MARCHF11: variants seen among roughly 807,000 people sequenced by gnomAD.
The protein encoded by MARCHF11 is E3 ubiquitin-protein ligase MARCHF11.
MARCHF11 carries 29 observed loss-of-function variants against 37.3 expected under a neutral mutation model. That is an observed-to-expected ratio of 0.78 (90% CI 0.58 to 1.06). The LOEUF (loss-of-function observed/expected upper bound fraction) is 1.06. Ranked by LOEUF, MARCHF11 falls within the 50% of genes least tolerant of loss-of-function variation. The pLI is 0.00. For missense variants in MARCHF11, 482 were observed against 533.4 expected (o/e 0.90, Z 0.95); for synonymous variants, 233 against 228.0 (o/e 1.02, Z -0.20).
intron 2 of MARCHF11, among the ~76,000 whole-genome samples, chr5:16,113,382 C>T (rs1005614352): frequency 5.9e-5 from 9 of 152,050 alleles, no homozygotes; most frequent in Non-Finnish European, 1.0e-4. Context: ...AGTGATCACA[C>T]GAAAAGTATG....
intron 2 of MARCHF11, among the ~76,000 whole-genome samples, chr5:16,107,420 G>A (rs540202310): frequency 1.6e-4 from 25 of 151,964 alleles, no homozygotes; most frequent in South Asian, 1.2e-3. Context: ...TTCAAAAAAC[G>A]TCTTTGACAA....
chr5:16,150,918 C>T (rs1199776933), intron 2 of MARCHF11, among the ~76,000 whole-genome samples: 4 of 152,056 alleles, frequency 2.6e-5, no homozygotes, highest in Non-Finnish European at 5.9e-5. Context: ...CCTGCCTCTA[C>T]ACCCATTCAG....
In MARCHF11 at chr5:16,067,255, G is replaced by A. The variant is rs1736363392; in HGVS notation, c.*216C>T. The A allele has an allele frequency of 2.1e-6, 1 of 486,104 alleles. No homozygotes were observed. Among genetic ancestry groups the A allele is most frequent in the East Asian group, 3.2e-5 (1 of 31,288 alleles). 30.1% of individuals were successfully genotyped at this position (486,104 alleles called of 1,614,324 possible). A position where few individuals can be genotyped will look rare whatever the true frequency, so the allele number is the denominator to read the frequency against. On this transcript the variant is annotated 3_prime_UTR_variant, in exon 4 of 4. Coordinates refer to ENST00000332432, the MANE Select transcript of MARCHF11 (RefSeq NM_001102562.3). ...TAAATTATATGTATAATGATTTCAA[G>A]TACCAACTTATAAAAGATGTGACAA...
intron 2 of MARCHF11, among the ~76,000 whole-genome samples, chr5:16,102,777 G>A (rs889035285): frequency 1.3e-5 from 2 of 152,182 alleles, no homozygotes; most frequent in Admixed American, 1.3e-4. Flanking sequence ...TTTCCACTGA[G>A]CTGTTTAATG....
At chr5:16,088,231 A>G (rs539508354) in intron 3 of MARCHF11, among the ~76,000 whole-genome samples, 4 of 152,254 alleles carry the variant, frequency 2.6e-5, no homozygotes, top group African/African-American at 9.6e-5. Context: ...CTGGTGTTCA[A>G]CTACCCCTTC....
intron 2 of MARCHF11, 96 bp downstream of exon 2, chr5:16,177,630 A>T: frequency 2.0e-6 from 2 of 1,022,880 alleles, no homozygotes; most frequent in Non-Finnish European, 2.6e-6. Flanking sequence ...AAATGTTTTT[A>T]AGTAGCATAA....
intron 2 of MARCHF11, among the ~76,000 whole-genome samples, chr5:16,135,542 G>A (rs748691335): frequency 6.6e-6 from 1 of 152,020 alleles, no homozygotes; most frequent in Non-Finnish European, 1.5e-5. Flanking sequence ...AAAAAGAAAG[G>A]CTCAAAGAAA....
chr5:16,091,133 G>GAA (rs11389357), intron 2 of MARCHF11, 52 bp from the exon 3 acceptor site: 74,955 of 1,043,176 alleles, frequency 0.072, 1,726 homozygotes, highest in African/African-American at 0.21. Context: ...AATTAAAAAA[G>GAA]AAAAAAAAAC....
chr5:16,133,564 T>G (rs569704838), intron 2 of MARCHF11, among the ~76,000 whole-genome samples: 1 of 152,270 alleles, frequency 6.6e-6, no homozygotes, highest in South Asian at 2.1e-4. Context: ...GGATCTTTTC[T>G]TACACAGCAC....
At chr5:16,112,023 A>G (rs1737148403) in intron 2 of MARCHF11, among the ~76,000 whole-genome samples, 1 of 152,210 alleles carries the variant, frequency 6.6e-6, no homozygotes, top group Non-Finnish European at 1.5e-5. Flanking sequence ...ACCTCCACGT[A>G]GACTTCAGAA....
At chr5:16,132,029 G>A (rs905596752) in intron 2 of MARCHF11, among the ~76,000 whole-genome samples, 1 of 152,236 alleles carries the variant, frequency 6.6e-6, no homozygotes, top group Non-Finnish European at 1.5e-5. Context: ...CTGGCTACGG[G>A]GGATTCATTT....
At chr5:16,076,783 C>A (rs1736524996) in intron 3 of MARCHF11, among the ~76,000 whole-genome samples, 1 of 152,180 alleles carries the variant, frequency 6.6e-6, no homozygotes, top group Non-Finnish European at 1.5e-5. Context: ...AGAATCAGAG[C>A]CAGACACAGG....
chr5:16,083,338 C>G (rs1224956845), intron 3 of MARCHF11, among the ~76,000 whole-genome samples: 1 of 152,202 alleles, frequency 6.6e-6, no homozygotes, highest in Admixed American at 6.5e-5. Flanking sequence ...CTAAAGTCTT[C>G]AGTGGACATT....
chr5:16,107,801 G>A (rs757446612), intron 2 of MARCHF11, among the ~76,000 whole-genome samples: 7 of 152,042 alleles, frequency 4.6e-5, no homozygotes, highest in Non-Finnish European at 8.8e-5. Flanking sequence ...GAGAAACAGA[G>A]AAGGGAAAGA....
chr5:16,152,324 C>A (rs763474300), intron 2 of MARCHF11, among the ~76,000 whole-genome samples: 32 of 151,980 alleles, frequency 2.1e-4, no homozygotes, highest in Admixed American at 1.1e-3. Context: ...CTGGGACAAG[C>A]AAGGCTCAAA....
chr5:16,170,581 C>G (rs1022378758), intron 2 of MARCHF11, among the ~76,000 whole-genome samples: 1 of 152,100 alleles, frequency 6.6e-6, no homozygotes, highest in Admixed American at 6.5e-5. Flanking sequence ...CTAAATCATA[C>G]TCTCACTCAG....
chr5:16,145,749 A>T (rs1737786277), intron 2 of MARCHF11, among the ~76,000 whole-genome samples: 1 of 152,020 alleles, frequency 6.6e-6, no homozygotes, highest in African/African-American at 2.4e-5. Flanking sequence ...ATGAAAAAAA[A>T]ATACAAAAAG....
intron 2 of MARCHF11, among the ~76,000 whole-genome samples, chr5:16,136,176 G>A (rs1296520127): frequency 6.6e-6 from 1 of 151,966 alleles, no homozygotes; most frequent in Admixed American, 6.6e-5. Flanking sequence ...TGCATAAATG[G>A]TGTCCCAGAA....
chr5:16,162,783 A>G (rs1205092162), intron 2 of MARCHF11, among the ~76,000 whole-genome samples: 1 of 152,062 alleles, frequency 6.6e-6, no homozygotes, highest in Admixed American at 6.6e-5. Flanking sequence ...ATAAATGAAT[A>G]CACAGCAAAT....
Sources: allele counts gnomAD v4.1 joint callset (sites outside exome capture counted in the v4.1 genomes callset), GRCh38; gene constraint gnomAD v4.1.1; transcripts MANE v1.5; gene names NCBI Gene and HGNC (gene_info 2026-07-23, HGNC 2026-07-21).